The following LIPA variants were observed in gnomAD, a reference collection of about 807,000 sequenced individuals.
LIPA encodes the protein lipase A, lysosomal acid type, also known as lysosomal acid lipase/cholesteryl ester hydrolase.
LIPA carries 26 observed loss-of-function variants against 40.6 expected under a neutral mutation model. The ratio of observed to expected loss-of-function variants is 0.64; its 90% CI spans 0.47 to 0.89. The LOEUF (loss-of-function observed/expected upper bound fraction) is 0.89, where lower values mean the gene tolerates loss of function less well. Ranked by LOEUF, LIPA falls within the 40% of genes least tolerant of loss-of-function variation. The probability of loss-of-function intolerance (pLI) is 0.00; values close to 1 mark genes in which losing one functional copy is unlikely to be tolerated. For synonymous variants in LIPA, 188 were observed against 168.4 expected, an observed-to-expected ratio of 1.12 and a Z score of -0.90; for missense variants, 455 against 479.6, an observed-to-expected ratio of 0.95 and a Z score of 0.48.
intron 2 of LIPA, chr10:89,404,299 T>C (rs1342859272): frequency 6.6e-6 from 1 of 152,632 alleles, no homozygotes; most frequent in Non-Finnish European, 1.5e-5. Flanking sequence ...GGTTTCCACA[T>C]GACAACTGAT....
chr10:89,296,362 C>T (rs986739336), intron 1 of LIPA, among the ~76,000 whole-genome samples: 1 of 151,648 alleles, frequency 6.6e-6, no homozygotes, highest in Non-Finnish European at 1.5e-5. Flanking sequence ...GGCCTGGTAG[C>T]TGGGCCAAGT....
intron 2 of LIPA, among the ~76,000 whole-genome samples, chr10:89,360,604 G>T (rs1338783024): frequency 6.6e-6 from 1 of 152,194 alleles, no homozygotes; most frequent in Non-Finnish European, 1.5e-5. Context: ...ATGTTGGTCA[G>T]GCTGGTCTCG....
Position 89,216,001 on chromosome 10 carries a change from T to A in LIPA, c.903A>T (p.Lys301Asn), listed in dbSNP as rs752850257. 8.1e-6 allele frequency: 13 copies of A among 1,605,598 alleles called. No individual in the cohort carries two copies. In the Admixed American group the frequency reaches 2.2e-4, roughly 27 times the overall value. ...AGTCAAAGGCTTGAAACTTTTGGAA[T>A]TTAACAGCCTAAAAAGAAGATAATT... ...QNMLHWSQAV[K>N]FQKFQAFDWG... The change falls in exon 9 of 10, where the codon AAA becomes AAT. Residue 301 changes from lysine to asparagine, a missense_variant. Transcript: ENST00000336233.
intron 2 of LIPA, chr10:89,405,448 T>C (rs910800460): frequency 2.0e-5 from 3 of 152,246 alleles, no homozygotes; most frequent in East Asian, 3.8e-4. Context: ...GGGAATATAC[T>C]AGTTTCTTTT....
At chr10:89,328,132 T>C in intron 1 of LIPA, 1 of 1,564,932 alleles carries the variant, frequency 6.4e-7, no homozygotes, top group Non-Finnish European at 8.8e-7. Context: ...AAATTGTAAG[T>C]TGAGTTTCTT....
upstream of LIPA, among the ~76,000 whole-genome samples, chr10:89,255,264 C>G (rs1843175003): frequency 6.6e-6 from 1 of 152,182 alleles, no homozygotes; most frequent in African/African-American, 2.4e-5. Context: ...GGAGGCCTCA[C>G]AATCATGGCA....
intron 8 of LIPA, among the ~76,000 whole-genome samples, chr10:89,219,830 G>A (rs1217849792): frequency 6.6e-6 from 1 of 152,216 alleles, no homozygotes; most frequent in African/African-American, 2.4e-5. Context: ...GACAAAAGAT[G>A]GTACAGCGGG....
At chr10:89,383,270 G>A (rs779529463) in intron 2 of LIPA, 4 of 1,495,730 alleles carry the variant, frequency 2.7e-6, no homozygotes, top group Non-Finnish European at 3.7e-6. Flanking sequence ...CATTTTCAGT[G>A]GACTGAATAC....
chr10:89,371,896 C>T (rs1306047843), intron 2 of LIPA, among the ~76,000 whole-genome samples: 2 of 152,154 alleles, frequency 1.3e-5, no homozygotes, highest in African/African-American at 2.4e-5. Flanking sequence ...AGATCGTGTC[C>T]TTTGCAGCAA....
intron 1 of LIPA, among the ~76,000 whole-genome samples, chr10:89,282,392 C>G (rs1028005905): frequency 6.6e-6 from 1 of 151,868 alleles, no homozygotes; most frequent in African/African-American, 2.4e-5. Flanking sequence ...AATCTCAGCA[C>G]TTTGGGAGGC....
chr10:89,366,790 A>G (rs1276328662), intron 2 of LIPA, among the ~76,000 whole-genome samples: 1 of 152,276 alleles, frequency 6.6e-6, no homozygotes, highest in East Asian at 1.9e-4. Flanking sequence ...ATCTAGAACT[A>G]GAAATACCAT....
intron 2 of LIPA, among the ~76,000 whole-genome samples, chr10:89,390,623 C>T (rs966211793): frequency 2.6e-5 from 4 of 152,170 alleles, no homozygotes; most frequent in Non-Finnish European, 5.9e-5. Flanking sequence ...CACACACACA[C>T]GCGCGCGATT....
At chr10:89,309,938 A>C (rs573066367) in intron 1 of LIPA, among the ~76,000 whole-genome samples, 2 of 152,260 alleles carry the variant, frequency 1.3e-5, no homozygotes, top group East Asian at 3.9e-4. Context: ...CCCCTAGTAG[A>C]TGTCTCCTAT....
chr10:89,341,119 C>A (rs931733545), intron 1 of LIPA: 2 of 152,228 alleles, frequency 1.3e-5, no homozygotes, highest in Non-Finnish European at 1.5e-5. Flanking sequence ...AATGAACACC[C>A]TCCCCCTGAA....
intron 1 of LIPA, among the ~76,000 whole-genome samples, chr10:89,266,840 G>A (rs979499407): frequency 1.3e-5 from 2 of 152,220 alleles, no homozygotes; most frequent in East Asian, 3.8e-4. Flanking sequence ...ATATTGCCCT[G>A]AGAACTGCAG....
chr10:89,360,913 G>A (rs143885417), intron 2 of LIPA, among the ~76,000 whole-genome samples: 128 of 152,182 alleles, frequency 8.4e-4, no homozygotes, highest in African/African-American at 1.6e-3. Context: ...GAAACTCCCC[G>A]CAGCATCCTT....
At chr10:89,402,128 G>A (rs1381034977) in intron 2 of LIPA, among the ~76,000 whole-genome samples, 1 of 152,136 alleles carries the variant, frequency 6.6e-6, no homozygotes, top group East Asian at 1.9e-4. Flanking sequence ...AATATCAACA[G>A]TCCATGAATA....
At chr10:89,372,234 C>G (rs1243041546) in intron 2 of LIPA, among the ~76,000 whole-genome samples, 1 of 152,200 alleles carries the variant, frequency 6.6e-6, no homozygotes, top group Admixed American at 6.5e-5. Context: ...TAGACCAAAG[C>G]CTTTCCCCTA....
rs190225721 is a variant in LIPA, at chr10:89,393,266, C to A, written c.61+19525G>T. 15 of 1,289,710 alleles carry A rather than the reference C, an allele frequency of 1.2e-5. No homozygotes were observed. In the East Asian group the frequency reaches 7.8e-4, roughly 67 times the overall value. 79.9% of individuals were successfully genotyped at this position (1,289,710 alleles called of 1,614,324 possible). A position where few individuals can be genotyped will look rare whatever the true frequency, so the allele number is the denominator to read the frequency against. Reference sequence around the variant, plus strand: ...GTCTCACTTTCTGCACTGCTGGCCTCTTACAACAGGTTTTCGCAATCAGGC... The same window carrying A: ...GTCTCACTTTCTGCACTGCTGGCCTATTACAACAGGTTTTCGCAATCAGGC... On this transcript the variant is annotated intron_variant, in intron 2 of 8. Transcript: ENST00000371837.
Sources: gnomAD v4.1 joint callset for allele counts (sites outside exome capture counted in the v4.1 genomes callset) on GRCh38, gnomAD v4.1.1 for gene constraint, MANE v1.5 for transcripts, NCBI Gene and HGNC (gene_info 2026-07-23, HGNC 2026-07-21) for gene names.